Variants in QRICH1 observed in about 807,000 individuals in gnomAD.
The protein encoded by QRICH1 is transcriptional regulator QRICH1.
QRICH1 carries 16 observed loss-of-function variants against 87.1 expected under a neutral mutation model. The ratio of observed to expected loss-of-function variants is 0.18; its 90% CI spans 0.12 to 0.28. QRICH1 has a LOEUF of 0.28. Among genes scored for constraint, QRICH1 ranks in the 10% least tolerant of loss-of-function variants. The pLI is 1.00. For synonymous variants in QRICH1, 367 were observed against 368.4 expected (o/e 1.00, Z 0.05); for missense variants, 647 against 951.7 (o/e 0.68, Z 4.21).
chr3:49,044,343 C>G (rs1479392454), intron 6 of QRICH1, 47 bp downstream of exon 6: 1 of 1,442,476 alleles, frequency 6.9e-7, no homozygotes, highest in Non-Finnish European at 9.6e-7. Context: ...ATTGATCTTT[C>G]TTAAATCCAG....
At chr3:49,069,542 A>AG (rs1207477854) in intron 2 of QRICH1, among the ~76,000 whole-genome samples, 8 of 109,320 alleles carry the variant, frequency 7.3e-5, no homozygotes, top group African/African-American at 1.8e-4. Flanking sequence ...CATGGGGGGG[A>AG]ATTTTTTTTT....
At chr3:49,056,629 A>G in intron 3 of QRICH1, 1 of 764,494 alleles carries the variant, frequency 1.3e-6, no homozygotes. Context: ...AAATGTCTCC[A>G]AAACTCCAAA....
chr3:49,049,142 G>A (rs1382782313), intron 3 of QRICH1, among the ~76,000 whole-genome samples: 4 of 151,884 alleles, frequency 2.6e-5, no homozygotes, highest in African/African-American at 7.2e-5. Flanking sequence ...GACCTCGACT[G>A]ATCTGCCCGC....
In QRICH1 at chr3:49,069,111, T is replaced by A. The variant is rs543253509; in HGVS notation, c.309+7598A>T. Among the ~76,000 whole-genome samples the A allele has an allele frequency of 6.3e-3, 910 of 145,580 alleles. 6 individuals carry two copies. Among genetic ancestry groups the A allele is most frequent in the African/African-American group, 0.018 (707 of 40,188 alleles). ...ATTATTATTATTATTATTATTATTTTTTTTTTTTTTTTGAGATAGTCTTGT... is the reference window on the plus strand; with the variant it reads ...ATTATTATTATTATTATTATTATTTATTTTTTTTTTTTGAGATAGTCTTGT... On this transcript the variant is annotated intron_variant, in intron 2 of 9. Coordinates refer to ENST00000395443, the MANE Select transcript of QRICH1 (RefSeq NM_198880.3).
At chr3:49,076,648 TA>T in intron 2 of QRICH1, 60 bp downstream of exon 2, 1 of 1,399,652 alleles carries the variant, frequency 7.1e-7, no homozygotes, top group South Asian at 1.8e-5. Context: ...GCCCACTAAC[TA>T]AAACACTGAC....
chr3:49,074,766 C>T (rs1042770648), intron 2 of QRICH1, among the ~76,000 whole-genome samples: 2 of 150,818 alleles, frequency 1.3e-5, no homozygotes, highest in Non-Finnish European at 3.0e-5. Context: ...ATCACGAGGT[C>T]AGGAGATCGA....
At chr3:49,080,615 A>G (rs974915123) in intron 1 of QRICH1, among the ~76,000 whole-genome samples, 3 of 152,070 alleles carry the variant, frequency 2.0e-5, no homozygotes, top group Admixed American at 1.3e-4. Context: ...TAGTAACCCT[A>G]TTTCTCCTCA....
intron 3 of QRICH1, among the ~76,000 whole-genome samples, chr3:49,054,057 C>A (rs997455800): frequency 3.3e-5 from 5 of 152,184 alleles, no homozygotes; most frequent in Non-Finnish European, 5.9e-5. Context: ...GGATTCTTCA[C>A]AATTTTTCTA....
chr3:49,060,045 C>A (rs568862568), intron 2 of QRICH1, among the ~76,000 whole-genome samples: 2 of 150,822 alleles, frequency 1.3e-5, no homozygotes, highest in South Asian at 2.1e-4. Flanking sequence ...CCACCACGCC[C>A]GGCTGATTTT....
At chr3:49,041,443 A>G (rs2093309298) in intron 6 of QRICH1, among the ~76,000 whole-genome samples, 1 of 151,826 alleles carries the variant, frequency 6.6e-6, no homozygotes, top group Non-Finnish European at 1.5e-5. Context: ...TCCTCTCACC[A>G]TGGCCTCCCG....
Position 49,032,678 on chromosome 3 carries a change from T to C in QRICH1, c.1991A>G (p.Lys664Arg), listed in dbSNP as rs143137399. 1.9e-6 allele frequency: 3 copies of C among 1,612,728 alleles called. No individual in the cohort carries two copies. The highest frequency in any genetic ancestry group is 2.2e-5 in the East Asian group (1 of 44,830). ...CTTCAAGTACCGGATACTCGTGCTT[T>C]TATCCTTGGGATTAGAGGGGTTCTT... ...TKKNPSNPKD[K>R]STSIRYLKAL... is the part of the protein sequence containing the mutation. The change falls in exon 8 of 10, where the codon AAA (lysine) becomes AGA (arginine). Residue 664 changes from lysine (K) to arginine (R), a missense_variant. This residue lies in a region of QRICH1 where 187 missense variants were observed against 309.5 expected (regional missense o/e 0.60). Transcript: ENST00000395443.
At chr3:49,085,673 G>C (rs1048804660) in intron 1 of QRICH1, among the ~76,000 whole-genome samples, 3 of 151,466 alleles carry the variant, frequency 2.0e-5, no homozygotes, top group African/African-American at 7.3e-5. Context: ...CAGGAGAATC[G>C]CTTGAACCTG....
chr3:49,030,363 A>G lies in QRICH1; in HGVS notation c.*89T>C. ...CTTCGTAACTACACCAATAAAAAAA[A>G]GAAAAAAAAAAATGGAGGCCTCTTC... On this transcript the variant is annotated 3_prime_UTR_variant, in exon 10 of 10. Coordinates refer to ENST00000395443, the MANE Select transcript of QRICH1 (RefSeq NM_198880.3). 12 of 1,299,168 alleles carry G rather than the reference A, an allele frequency of 9.2e-6. No homozygotes were observed. Among genetic ancestry groups the G allele is most frequent in the East Asian group, 2.4e-5 (1 of 41,188 alleles). The allele number at this position is 1,299,168 out of a possible 1,614,324, so 80.5% of individuals were successfully genotyped here. A position where few individuals can be genotyped will look rare whatever the true frequency, so the allele number is the denominator to read the frequency against.
At position 49,029,768 on chromosome 3, in the gene QRICH1, C is replaced by G; in HGVS notation, c.*684G>C. On this transcript the variant is annotated 3_prime_UTR_variant, in exon 10 of 10. Coordinates refer to ENST00000395443, the MANE Select transcript of QRICH1 (RefSeq NM_198880.3). ...CTAGAGTAAGAATACATAAGAGAAA[C>G]AGAGTGGTATCTTTATATGATACAC... is the stretch of plus-strand genomic sequence containing the variant. The G allele has an allele frequency of 6.7e-6, 2 of 296,404 alleles. No individual in the cohort carries two copies. The highest frequency in any genetic ancestry group is 1.3e-5 in the Non-Finnish European group (2 of 152,118). 18.4% of individuals were successfully genotyped at this position (296,404 alleles called of 1,614,324 possible).
At position 49,032,729 on chromosome 3, in the gene QRICH1, A is replaced by G. The variant is rs1417765065; in HGVS notation, c.1940T>C (p.Phe647Ser). 2 of 1,610,526 alleles carry G rather than the reference A, an allele frequency of 1.2e-6. No homozygotes were observed. The highest frequency in any genetic ancestry group is 4.5e-5 in the East Asian group (2 of 44,696). The change falls in exon 8 of 10, where the codon TTC becomes TCC. Residue 647 changes from phenylalanine (F) to serine (S), a missense_variant. This residue lies in a region of QRICH1 where 187 missense variants were observed against 309.5 expected (regional missense o/e 0.60). Coordinates refer to ENST00000395443, the MANE Select transcript of QRICH1 (RefSeq NM_198880.3). ...CTTTGTCTGTCGCAAGACCTTGGAG[A>G]AGGCCAGCTTCATGTGCTGGTCCAC... ...KTVDQHMKLA[F>S]SKVLRQTKKN...
At chr3:49,040,733 G>T (rs2093305157) in intron 6 of QRICH1, among the ~76,000 whole-genome samples, 1 of 152,168 alleles carries the variant, frequency 6.6e-6, no homozygotes, top group Non-Finnish European at 1.5e-5. Flanking sequence ...TTCTCTGAAT[G>T]TCAAGGAATG....
At chr3:49,081,690 A>G (rs2042063604) in intron 1 of QRICH1, among the ~76,000 whole-genome samples, 1 of 152,152 alleles carries the variant, frequency 6.6e-6, no homozygotes. Context: ...TTAGAGAGAC[A>G]GGGTTTTGCC....
At chr3:49,083,348 A>C (rs930984363) in intron 1 of QRICH1, 3 of 151,836 alleles carry the variant, frequency 2.0e-5, no homozygotes, top group Non-Finnish European at 2.9e-5. Context: ...TCGGGTGTCC[A>C]CACTAAGTTC....
chr3:49,039,998 T>C (rs1271886715), intron 6 of QRICH1, among the ~76,000 whole-genome samples: 1 of 150,352 alleles, frequency 6.7e-6, no homozygotes, highest in Non-Finnish European at 1.5e-5. Flanking sequence ...GAGGCGGAGG[T>C]TGAAGTCAGC....
Sources: gnomAD v4.1 joint callset for allele counts (sites outside exome capture counted in the v4.1 genomes callset) on GRCh38, gnomAD v4.1.1 for gene constraint, gnomAD v4.1.1 regional missense constraint, MANE v1.5 for transcripts, NCBI Gene and HGNC (gene_info 2026-07-23, HGNC 2026-07-21) for gene names.